The following WDR72 variants were observed in gnomAD, a reference collection of about 807,000 sequenced individuals.
The protein encoded by WDR72 is WD repeat-containing protein 72.
Under a neutral mutation model 124.2 loss-of-function variants are expected in WDR72, and 120 were observed. The observed-to-expected ratio is 0.97, with a 90% CI of 0.83 to 1.12. WDR72 has a LOEUF of 1.12. Ranked by LOEUF, WDR72 falls within the 50% of genes most tolerant of loss-of-function variation. The pLI, the probability that WDR72 is intolerant of heterozygous loss-of-function variation, is 0.00. For synonymous variants in WDR72, 452 were observed against 441.7 expected, an observed-to-expected ratio of 1.02 and a Z score of -0.29; for missense variants, 1,387 against 1,278.8, an observed-to-expected ratio of 1.08 and a Z score of -1.29.
chr15:53,609,381 T>G, intron 17 of WDR72, 132 bp downstream of exon 17: 1 of 768,828 alleles, frequency 1.3e-6, no homozygotes, highest in South Asian at 1.5e-5. Context: ...TTCCCTCATC[T>G]CTATGTCTGT....
chr15:53,594,846 A>C (rs16966257), intron 18 of WDR72, among the ~76,000 whole-genome samples: 20,685 of 150,298 alleles, frequency 0.14, 2,188 homozygotes, highest in African/African-American at 0.3. Flanking sequence ...TAATGAAAGT[A>C]TAAAAACATT....
At chr15:53,612,580 G>C (rs1176237337) in intron 16 of WDR72, among the ~76,000 whole-genome samples, 2 of 152,038 alleles carry the variant, frequency 1.3e-5, no homozygotes, top group African/African-American at 2.4e-5. Flanking sequence ...AAAAAGGCTA[G>C]GGTAGCTGGA....
At position 53,547,258 on chromosome 15, in the gene WDR72, G is replaced by A. The variant is rs578184054; in HGVS notation, c.3149-23936C>T. 9.2e-5 allele frequency among the ~76,000 whole-genome samples: 14 copies of A among 152,280 alleles called. 1 individual carries two copies. The highest frequency in any genetic ancestry group is 6.8e-3 in the Middle Eastern group (2 of 294). On this transcript the variant is annotated intron_variant, in intron 18 of 19. Transcript: ENST00000360509. ...AGCGATTCTCCTGCCTCAGCCTCCCGAGTTGCCGGGATTACAGGCATGTGC... is the reference window on the plus strand; with the variant it reads ...AGCGATTCTCCTGCCTCAGCCTCCCAAGTTGCCGGGATTACAGGCATGTGC...
At chr15:53,634,343 C>CT (rs2014545701) in intron 14 of WDR72, among the ~76,000 whole-genome samples, 1 of 152,156 alleles carries the variant, frequency 6.6e-6, no homozygotes, top group Non-Finnish European at 1.5e-5. Context: ...CTCAAACTGC[C>CT]TGAAGGCATA....
intron 18 of WDR72, among the ~76,000 whole-genome samples, chr15:53,583,148 A>C (rs2012020154): frequency 6.6e-6 from 1 of 151,980 alleles, no homozygotes; most frequent in Non-Finnish European, 1.5e-5. Flanking sequence ...TTCTCCAACA[A>C]GTTGTATCAT....
chr15:53,677,222 T>G (rs2016206603), intron 13 of WDR72, among the ~76,000 whole-genome samples: 1 of 152,142 alleles, frequency 6.6e-6, no homozygotes, highest in African/African-American at 2.4e-5. Flanking sequence ...GCCCAGCCAA[T>G]TCTTGCTTCT....
Position 53,548,478 on chromosome 15 carries a change from AAG to A in WDR72, c.3149-25158_3149-25157del, listed in dbSNP as rs370695963. Among the ~76,000 whole-genome samples, 33 of 152,274 alleles carry A rather than the reference AAG, an allele frequency of 2.2e-4. No homozygotes were observed. The East Asian group carries it at 4.2e-3, about 20-fold the overall frequency. On this transcript the variant is annotated intron_variant, in intron 18 of 19. Coordinates refer to ENST00000360509, the MANE Select transcript of WDR72 (RefSeq NM_182758.4). ...TGACTTCAAAGAGAGTGATTTTGAG[AAG>A]AGAGAGTTAGTTGCCAAAAGGAGAA...
Position 53,517,638 on chromosome 15 carries a change from A to G in WDR72, c.*61T>C. 6.4e-7 allele frequency: 1 copy of G among 1,552,854 alleles called. No homozygotes were observed. Among genetic ancestry groups the G allele is most frequent in the East Asian group, 2.2e-5 (1 of 44,480 alleles). Reference sequence around the variant, plus strand: ...ACAATGCTTTTATACAGTAATAAACAAATGGCATCTTTTGGATTTCTTAAT... The same window carrying G: ...ACAATGCTTTTATACAGTAATAAACGAATGGCATCTTTTGGATTTCTTAAT... On this transcript the variant is annotated 3_prime_UTR_variant, in exon 20 of 20. Coordinates refer to ENST00000360509, the MANE Select transcript of WDR72 (RefSeq NM_182758.4).
upstream of WDR72, chr15:53,759,701 T>C (rs2140909031): frequency 7.6e-6 from 1 of 131,654 alleles, no homozygotes; most frequent in South Asian, 2.6e-4. Context: ...GGGTCACGGG[T>C]ACCGGCCCCG....
chr15:53,674,000 A>G (rs1324973563), intron 13 of WDR72, among the ~76,000 whole-genome samples: 3 of 152,170 alleles, frequency 2.0e-5, no homozygotes, highest in Non-Finnish European at 4.4e-5. Flanking sequence ...TCAAGAAAAA[A>G]AAAAGCATAT....
At chr15:53,679,661 G>C (rs4600420) in intron 13 of WDR72, among the ~76,000 whole-genome samples, 7,389 of 152,218 alleles carry the variant, frequency 0.049, 631 homozygotes, top group African/African-American at 0.17. Context: ...AATGGAAAAA[G>C]TGTAGCAAAA....
At chr15:53,551,832 T>C (rs1403016981) in intron 18 of WDR72, among the ~76,000 whole-genome samples, 3 of 152,044 alleles carry the variant, frequency 2.0e-5, no homozygotes, top group African/African-American at 4.8e-5. Flanking sequence ...AATTCAGATA[T>C]GGAAGACGAC....
At position 53,665,726 on chromosome 15, in the gene WDR72, A is replaced by G. The variant is rs776328350; in HGVS notation, c.1808T>C (p.Ile603Thr). Residue 603 changes from isoleucine to threonine, a missense_variant, in exon 14 of 20, where the codon ATT becomes ACT. By Grantham distance (89) the Ile-to-Thr change is moderately conservative (BLOSUM62 -1). Transcript: ENST00000360509. ...RHETGERARIILNCCDDSQLV... is the reference protein window; with the variant it reads ...RHETGERARITLNCCDDSQLV... ...CTGTGAATCATCACAACAATTAAGA[A>G]TAATTCGTGCTCTTTCTCCTGTCTC... 60 of 1,613,936 alleles carry G rather than the reference A, an allele frequency of 3.7e-5. No individual in the cohort carries two copies. Among genetic ancestry groups the G allele is most frequent in the Non-Finnish European group, 5.1e-5 (60 of 1,179,880 alleles).
At chr15:53,638,802 C>G (rs73408297) in intron 14 of WDR72, among the ~76,000 whole-genome samples, 13,939 of 151,798 alleles carry the variant, frequency 0.092, 1,601 homozygotes, top group African/African-American at 0.27. Context: ...TCAGGAGTTC[C>G]AGACAGCCTG....
chr15:53,717,431 G>T (rs28368274), intron 3 of WDR72, among the ~76,000 whole-genome samples: 5,919 of 152,156 alleles, frequency 0.039, 392 homozygotes, highest in African/African-American at 0.14. Context: ...CCTTAAAGGA[G>T]ATACTGCCAT....
intron 18 of WDR72, among the ~76,000 whole-genome samples, chr15:53,564,713 T>G (rs1235233731): frequency 6.6e-6 from 1 of 151,936 alleles, no homozygotes; most frequent in Non-Finnish European, 1.5e-5. Flanking sequence ...AAAGGTCTTA[T>G]TCAGTAGGAT....
chr15:53,666,520 C>T (rs191414353), intron 13 of WDR72, among the ~76,000 whole-genome samples: 117 of 152,124 alleles, frequency 7.7e-4, no homozygotes, highest in Middle Eastern at 3.4e-3. Flanking sequence ...TCAATAAATA[C>T]GAATTAATCA....
chr15:53,645,139 G>C (rs1262964652), intron 14 of WDR72, among the ~76,000 whole-genome samples: 1 of 152,104 alleles, frequency 6.6e-6, no homozygotes, highest in Non-Finnish European at 1.5e-5. Flanking sequence ...CTATATATCA[G>C]CCCTGATGCT....
chr15:53,717,985 GAAAC>G (rs1362643946), intron 3 of WDR72, among the ~76,000 whole-genome samples: 26 of 152,052 alleles, frequency 1.7e-4, no homozygotes, highest in Admixed American at 5.9e-4. Context: ...ATCTCAAAGG[GAAAC>G]AAACTAATAA....
Sources: allele counts gnomAD v4.1 joint callset (sites outside exome capture counted in the v4.1 genomes callset), GRCh38; gene constraint gnomAD v4.1.1; transcripts MANE v1.5; gene names NCBI Gene and HGNC (gene_info 2026-07-23, HGNC 2026-07-21).